ROBO1: variants seen among roughly 807,000 people sequenced by gnomAD.
The protein encoded by ROBO1 is roundabout homolog 1.
In ROBO1, 149 loss-of-function variants were observed where a neutral mutation model predicts 195.9. The observed-to-expected ratio is 0.76, with a 90% confidence interval of 0.67 to 0.87. The LOEUF (loss-of-function observed/expected upper bound fraction) is 0.87, where lower values mean the gene tolerates loss of function less well. Ranked by LOEUF, ROBO1 falls within the 40% of genes least tolerant of loss-of-function variation. The probability of loss-of-function intolerance (pLI) is 0.00; values close to 1 mark genes in which losing one functional copy is unlikely to be tolerated. For missense variants in ROBO1, 1,933 were observed against 2,068.3 expected (o/e 0.93, Z 1.27); for synonymous variants, 816 against 733.2 (o/e 1.11, Z -1.82).
intron 1 of ROBO1, among the ~76,000 whole-genome samples, chr3:79,667,496 C>T (rs1472357786): frequency 6.6e-6 from 1 of 151,758 alleles, no homozygotes; most frequent in Non-Finnish European, 1.5e-5. Flanking sequence ...AGAGAGTTGT[C>T]TTAAGGAATA....
chr3:79,722,243 T>A (rs1234780704), intron 1 of ROBO1, among the ~76,000 whole-genome samples: 1 of 152,220 alleles, frequency 6.6e-6, no homozygotes, highest in Non-Finnish European at 1.5e-5. Flanking sequence ...GTAGCTCAAG[T>A]ATGTACGGGA....
At chr3:79,024,679 T>C (rs1259735270) in intron 3 of ROBO1, among the ~76,000 whole-genome samples, 1 of 152,226 alleles carries the variant, frequency 6.6e-6, no homozygotes, top group Non-Finnish European at 1.5e-5. Flanking sequence ...AGGATAGTTA[T>C]GAGAAATCTT....
At chr3:79,284,320 A>G (rs2109010726) in intron 2 of ROBO1, among the ~76,000 whole-genome samples, 1 of 152,240 alleles carries the variant, frequency 6.6e-6, no homozygotes, top group Middle Eastern at 3.4e-3. Flanking sequence ...ATGAGAACAT[A>G]AAGTATTTCT....
intron 2 of ROBO1, among the ~76,000 whole-genome samples, chr3:79,329,193 T>C (rs2109162552): frequency 6.6e-6 from 1 of 152,342 alleles, no homozygotes; most frequent in South Asian, 2.1e-4. Context: ...TAAAATAATC[T>C]GTCTATTCTC....
chr3:79,007,748 TA>T (rs1414373900), intron 3 of ROBO1, among the ~76,000 whole-genome samples: 9 of 152,202 alleles, frequency 5.9e-5, no homozygotes, highest in African/African-American at 1.4e-4. Context: ...ACAACTGCAT[TA>T]TTTTTTATGG....
chr3:79,482,630 T>G (rs1053586472), intron 2 of ROBO1, among the ~76,000 whole-genome samples: 3 of 152,094 alleles, frequency 2.0e-5, no homozygotes, highest in African/African-American at 7.2e-5. Flanking sequence ...AAACAACTAA[T>G]ACAGGAATGC....
intron 3 of ROBO1, among the ~76,000 whole-genome samples, chr3:79,001,013 A>T (rs905711566): frequency 2.0e-5 from 3 of 152,174 alleles, no homozygotes; most frequent in African/African-American, 7.2e-5. Context: ...CAGCAAACTA[A>T]CACAGGAACA....
chr3:78,742,852 G>T (rs147212834), intron 5 of ROBO1, among the ~76,000 whole-genome samples: 17 of 152,138 alleles, frequency 1.1e-4, no homozygotes, highest in Admixed American at 1.1e-3. Flanking sequence ...TACTGATGGC[G>T]TGGGGGAACT....
In ROBO1 at chr3:79,018,605, T is replaced by G. The variant is rs1195110598; in HGVS notation, c.173-79678A>C. 2.7e-6 allele frequency: 4 copies of G among 1,473,898 alleles called. No homozygotes were observed. The African/African-American group carries it at 5.6e-5, about 21-fold the overall frequency. The allele number at this position is 1,473,898 out of a possible 1,614,324, so 91.3% of individuals were successfully genotyped here. A position where few individuals can be genotyped will look rare whatever the true frequency, so the allele number is the denominator to read the frequency against. On this transcript the variant is annotated intron_variant, in intron 3 of 30. Transcript: ENST00000464233. ...ATTAGCCAAGAGTTTTCAGGGCAAT[T>G]ACTCGTCGACCTTTCCGGACGCTTG...
chr3:79,530,143 A>G (rs1468904245), intron 2 of ROBO1, among the ~76,000 whole-genome samples: 2 of 152,210 alleles, frequency 1.3e-5, no homozygotes, highest in Non-Finnish European at 2.9e-5. Flanking sequence ...TTTAACAAAA[A>G]TAATATAGTA....
chr3:79,541,392 C>T (rs1380397756), intron 2 of ROBO1, among the ~76,000 whole-genome samples: 1 of 152,084 alleles, frequency 6.6e-6, no homozygotes, highest in Non-Finnish European at 1.5e-5. Context: ...ACATGCCCCC[C>T]TCCCAGCGGT....
chr3:79,440,781 CTGTT>C (rs1048866993), intron 2 of ROBO1, among the ~76,000 whole-genome samples: 6 of 152,042 alleles, frequency 3.9e-5, no homozygotes, highest in Non-Finnish European at 7.4e-5. Context: ...AATATAGACA[CTGTT>C]TGAGGAAGAA....
At chr3:79,300,556 G>A (rs373261934) in intron 2 of ROBO1, among the ~76,000 whole-genome samples, 24 of 152,288 alleles carry the variant, frequency 1.6e-4, no homozygotes, top group African/African-American at 5.1e-4. Context: ...GCTGACCCCC[G>A]CTCCATGGCG....
intron 26 of ROBO1, among the ~76,000 whole-genome samples, chr3:78,625,799 C>T (rs757741712): frequency 5.9e-5 from 9 of 151,958 alleles, no homozygotes; most frequent in African/African-American, 1.2e-4. Context: ...CAAAGCAAAA[C>T]GTTATAAGCC....
chr3:79,302,873 G>A (rs984455728), intron 2 of ROBO1, among the ~76,000 whole-genome samples: 6 of 152,026 alleles, frequency 3.9e-5, no homozygotes, highest in African/African-American at 1.4e-4. Context: ...AGTTTGATTT[G>A]AAATTCTCCT....
At chr3:78,923,409 G>T (rs1358562972) in intron 4 of ROBO1, among the ~76,000 whole-genome samples, 1 of 152,054 alleles carries the variant, frequency 6.6e-6, no homozygotes, top group East Asian at 1.9e-4. Context: ...AGTGGAAAGG[G>T]ACTGATTAAT....
At chr3:79,377,651 C>G (rs1043689335) in intron 2 of ROBO1, among the ~76,000 whole-genome samples, 3 of 151,864 alleles carry the variant, frequency 2.0e-5, no homozygotes, top group Non-Finnish European at 4.4e-5. Context: ...TTATTTTGAC[C>G]GCATTTTCAC....
intron 4 of ROBO1, among the ~76,000 whole-genome samples, chr3:78,893,747 A>T (rs1359852995): frequency 6.6e-6 from 1 of 152,110 alleles, no homozygotes; most frequent in African/African-American, 2.4e-5. Context: ...TTCGAATTTC[A>T]TAAAAGTAGA....
chr3:78,693,025 G>GAT (rs939101794), intron 8 of ROBO1: 54 of 225,158 alleles, frequency 2.4e-4, no homozygotes, highest in East Asian at 3.5e-4. Flanking sequence ...TTAATCTTAC[G>GAT]ATATATATAT....
Sources: gnomAD v4.1 joint callset for allele counts (sites outside exome capture counted in the v4.1 genomes callset) on GRCh38, gnomAD v4.1.1 for gene constraint, MANE v1.5 for transcripts, NCBI Gene and HGNC (gene_info 2026-07-23, HGNC 2026-07-21) for gene names.